SELENOI: variants seen among roughly 807,000 people sequenced by gnomAD.
SELENOI encodes the protein ethanolaminephosphotransferase 1.
A neutral mutation model predicts 50.7 loss-of-function variants in SELENOI; 24 were observed. That is an observed-to-expected ratio of 0.47 (90% CI 0.34 to 0.67). The LOEUF (loss-of-function observed/expected upper bound fraction) is 0.67, where lower values mean the gene tolerates loss of function less well. Among genes scored for constraint, SELENOI ranks in the 30% least tolerant of loss-of-function variants. The pLI is 0.01. For missense variants in SELENOI, 352 were observed against 461.4 expected (o/e 0.76, Z 2.17); for synonymous variants, 155 against 170.2 (o/e 0.91, Z 0.70).
intron 4 of SELENOI, among the ~76,000 whole-genome samples, chr2:26,371,022 G>A (rs1677423782): frequency 7.0e-6 from 1 of 142,224 alleles, no homozygotes; most frequent in African/African-American, 2.6e-5. Context: ...TGGCCAGGCA[G>A]AGGGGCTCCT....
chr2:26,372,404 C>T (rs994729730), intron 4 of SELENOI, among the ~76,000 whole-genome samples: 1 of 152,230 alleles, frequency 6.6e-6, no homozygotes, highest in African/African-American at 2.4e-5. Context: ...AGCCACCACA[C>T]CCGGCCTGTT....
chr2:26,379,779 G>T (rs1258995779), intron 6 of SELENOI, among the ~76,000 whole-genome samples: 1 of 152,028 alleles, frequency 6.6e-6, no homozygotes, highest in Non-Finnish European at 1.5e-5. Flanking sequence ...TAATTCCAAA[G>T]CAAATTTGGT....
At chr2:26,358,552 TAGA>T (rs1248763858) in intron 1 of SELENOI, among the ~76,000 whole-genome samples, 1 of 152,164 alleles carries the variant, frequency 6.6e-6, no homozygotes, top group Admixed American at 6.5e-5. Flanking sequence ...GGGAAATATT[TAGA>T]AGGTCTACGT....
chr2:26,373,240 T>C, intron 4 of SELENOI, 127 bp from the exon 5 acceptor site: 1 of 1,130,072 alleles, frequency 8.8e-7, no homozygotes. Flanking sequence ...TAGTACCAGC[T>C]GATAGCTATA....
At chr2:26,362,118 C>T (rs1329860627) in intron 1 of SELENOI, among the ~76,000 whole-genome samples, 1 of 152,046 alleles carries the variant, frequency 6.6e-6, no homozygotes, top group East Asian at 1.9e-4. Flanking sequence ...ACTCTTTTAG[C>T]AGAGTCTTGC....
chr2:26,354,391 T>G (rs1410637201), intron 1 of SELENOI, among the ~76,000 whole-genome samples: 3 of 151,820 alleles, frequency 2.0e-5, no homozygotes, highest in African/African-American at 7.3e-5. Context: ...TGTTTTTTTG[T>G]TTTGTTTTTG....
At position 26,386,456 on chromosome 2, in the gene SELENOI, G is replaced by A; in HGVS notation, c.1015G>A (p.Ala339Thr). 6.2e-7 allele frequency: 1 copy of A among 1,613,876 alleles called. No individual in the cohort carries two copies. Among genetic ancestry groups the A allele is most frequent in the East Asian group, 2.2e-5 (1 of 44,880 alleles). ...LVVLVVNLGV[A>T]SYVESILLYT... ...TGTCTTAGTGGTAAACCTAGGAGTA[G>A]CCTCTTACGTTGAGAGCATTCTCCT... The change falls in exon 9 of 10, where the codon GCC becomes ACC. Residue 339 changes from alanine to threonine, a missense_variant. Physicochemically the swap from Ala to Thr is moderately conservative, Grantham distance 58. Transcript: ENST00000260585.
intron 8 of SELENOI, among the ~76,000 whole-genome samples, chr2:26,385,454 G>C (rs888134937): frequency 6.6e-6 from 1 of 152,142 alleles, no homozygotes; most frequent in Non-Finnish European, 1.5e-5. Context: ...TATATTACCA[G>C]TATGGCTAAA....
chr2:26,386,768 A>G (rs1677852646), intron 9 of SELENOI, among the ~76,000 whole-genome samples: 1 of 152,206 alleles, frequency 6.6e-6, no homozygotes, highest in African/African-American at 2.4e-5. Context: ...TTAAAGCTGG[A>G]TAATTATTGT....
At chr2:26,354,072 T>A (rs1409617452) in intron 1 of SELENOI, among the ~76,000 whole-genome samples, 1 of 152,152 alleles carries the variant, frequency 6.6e-6, no homozygotes, top group Non-Finnish European at 1.5e-5. Context: ...AAATACTGAA[T>A]AACAATAATA....
intron 6 of SELENOI, among the ~76,000 whole-genome samples, chr2:26,379,493 TG>T (rs1487073749): frequency 1.3e-5 from 2 of 151,918 alleles, no homozygotes; most frequent in East Asian, 1.9e-4. Flanking sequence ...TTTTGGGGGT[TG>T]GGGGGCATGC....
At chr2:26,372,024 A>C (rs910565068) in intron 4 of SELENOI, among the ~76,000 whole-genome samples, 6 of 152,096 alleles carry the variant, frequency 3.9e-5, no homozygotes, top group Non-Finnish European at 7.4e-5. Flanking sequence ...GCCATTCTAG[A>C]TTATCTTAGC....
At chr2:26,356,251 G>C (rs1307402085) in intron 1 of SELENOI, among the ~76,000 whole-genome samples, 2 of 151,750 alleles carry the variant, frequency 1.3e-5, no homozygotes, top group Non-Finnish European at 2.9e-5. Flanking sequence ...TCAAACTCCT[G>C]GGTTCAGGTG....
chr2:26,357,281 A>G (rs2147946205), intron 1 of SELENOI, among the ~76,000 whole-genome samples: 1 of 152,282 alleles, frequency 6.6e-6, no homozygotes, highest in South Asian at 2.1e-4. Flanking sequence ...ACTGTGTCTC[A>G]TACATTCTTT....
rs1022488246 is a variant in SELENOI at position 26,386,583 on chromosome 2, G to A, written c.1095+47G>A. On this transcript the variant is annotated intron_variant, in intron 9 of 9. Coordinates refer to ENST00000260585, the MANE Select transcript of SELENOI (RefSeq NM_033505.4). Reference sequence around the variant, plus strand: ...GGGTTCAATTTGGGGCTTATAAATGGCACCAATAAATGCCTCCGAGTAGAA... The same window carrying A: ...GGGTTCAATTTGGGGCTTATAAATGACACCAATAAATGCCTCCGAGTAGAA... 3.5e-6 allele frequency: 5 copies of A among 1,437,978 alleles called. No individual in the cohort carries two copies. In the African/African-American group the frequency reaches 5.8e-5, roughly 17 times the overall value. 89.1% of individuals were successfully genotyped at this position (1,437,978 alleles called of 1,614,324 possible).
chr2:26,350,259 G>C (rs577000734), intron 1 of SELENOI, among the ~76,000 whole-genome samples: 1 of 152,258 alleles, frequency 6.6e-6, no homozygotes, highest in African/African-American at 2.4e-5. Context: ...ATTAGAGGTG[G>C]TAAAGAGAGA....
intron 3 of SELENOI, among the ~76,000 whole-genome samples, chr2:26,366,126 C>T (rs186138914): frequency 1.8e-4 from 28 of 152,158 alleles, no homozygotes; most frequent in Middle Eastern, 3.4e-3. Flanking sequence ...ATAGAAATTC[C>T]AAATATTGAA....
At chr2:26,353,219 TAA>T (rs907414546) in intron 1 of SELENOI, among the ~76,000 whole-genome samples, 1 of 152,082 alleles carries the variant, frequency 6.6e-6, no homozygotes, top group Non-Finnish European at 1.5e-5. Context: ...TATAATTTTT[TAA>T]AAAAATACAA....
At position 26,389,118 on chromosome 2, in the gene SELENOI, G is replaced by T. The variant is rs1196923733; in HGVS notation, c.*15G>T. 1.3e-6 allele frequency: 2 copies of T among 1,516,470 alleles called. No homozygotes were observed. Among genetic ancestry groups the T allele is most frequent in the Non-Finnish European group, 1.8e-6 (2 of 1,112,310 alleles). 93.9% of individuals were successfully genotyped at this position (1,516,470 alleles called of 1,614,324 possible). ...TTGGCCTGTAATAATCTTTCTTTGG[G>T]CACAAAGAAGTACTGTAAATAAATG... is the stretch of plus-strand genomic sequence containing the variant. On this transcript the variant is annotated 3_prime_UTR_variant, in exon 10 of 10. Coordinates refer to ENST00000260585, the MANE Select transcript of SELENOI (RefSeq NM_033505.4).
Sources: allele counts gnomAD v4.1 joint callset (sites outside exome capture counted in the v4.1 genomes callset), GRCh38; gene constraint gnomAD v4.1.1; transcripts MANE v1.5; gene names NCBI Gene and HGNC (gene_info 2026-07-23, HGNC 2026-07-21).